Variants in MAPKAP1 observed in about 807,000 individuals in gnomAD.
MAPKAP1 encodes MAPK associated protein 1.
In MAPKAP1, 20 loss-of-function variants were observed where a neutral mutation model predicts 65.7. That is an observed-to-expected ratio of 0.30 (90% CI 0.21 to 0.44). The LOEUF (loss-of-function observed/expected upper bound fraction) is 0.44. MAPKAP1 is among the 20% of genes least tolerant of loss of function. The pLI, the probability that MAPKAP1 is intolerant of heterozygous loss-of-function variation, is 1.00. For synonymous variants in MAPKAP1, 222 were observed against 244.3 expected (o/e 0.91, Z 0.85); for missense variants, 423 against 648.0 (o/e 0.65, Z 3.77).
chr9:125,444,766 T>C (rs1437086379), intron 10 of MAPKAP1, among the ~76,000 whole-genome samples, 168 bp from the exon 11 acceptor site: 1 of 151,970 alleles, frequency 6.6e-6, no homozygotes, highest in East Asian at 1.9e-4. Flanking sequence ...GGGTATAAAA[T>C]GGACAATGAA....
chr9:125,589,177 TATTA>T (rs960883199), intron 4 of MAPKAP1, among the ~76,000 whole-genome samples: 15 of 152,324 alleles, frequency 9.8e-5, no homozygotes, highest in African/African-American at 2.6e-4. Flanking sequence ...TATTACTTAT[TATTA>T]ATTATTATTA....
chr9:125,467,553 T>G (rs1421832469), intron 10 of MAPKAP1, among the ~76,000 whole-genome samples: 1 of 152,154 alleles, frequency 6.6e-6, no homozygotes, highest in Non-Finnish European at 1.5e-5. Flanking sequence ...GTTCGCCGCC[T>G]TGGGAAATCC....
At chr9:125,511,560 C>A (rs1052217763) in intron 7 of MAPKAP1, among the ~76,000 whole-genome samples, 1 of 152,102 alleles carries the variant, frequency 6.6e-6, no homozygotes, top group African/African-American at 2.4e-5. Context: ...ATAACCCAGA[C>A]CTATATCAAA....
At chr9:125,651,516 A>G (rs931595583) in intron 4 of MAPKAP1, among the ~76,000 whole-genome samples, 2 of 152,074 alleles carry the variant, frequency 1.3e-5, no homozygotes, top group African/African-American at 4.8e-5. Flanking sequence ...GAGGCGGGAG[A>G]AATCACTTGA....
chr9:125,520,807 G>C (rs1392923188), intron 7 of MAPKAP1, among the ~76,000 whole-genome samples: 1 of 152,180 alleles, frequency 6.6e-6, no homozygotes, highest in Non-Finnish European at 1.5e-5. Context: ...TGCCTCCACT[G>C]TTTGGAGATT....
At chr9:125,624,432 TG>T (rs1211783519) in intron 4 of MAPKAP1, among the ~76,000 whole-genome samples, 6 of 49,634 alleles carry the variant, frequency 1.2e-4, no homozygotes, top group Admixed American at 2.0e-4. Context: ...GGGAGGGAGG[TG>T]GGGGGGGTCA....
intron 5 of MAPKAP1, among the ~76,000 whole-genome samples, chr9:125,563,484 G>T (rs1340153114): frequency 1.3e-5 from 2 of 152,080 alleles, no homozygotes; most frequent in Non-Finnish European, 2.9e-5. Context: ...TCTCCTTTGT[G>T]GTCTTACAAA....
chr9:125,619,741 T>C (rs994282937), intron 4 of MAPKAP1, among the ~76,000 whole-genome samples: 2 of 151,974 alleles, frequency 1.3e-5, no homozygotes, highest in African/African-American at 4.8e-5. Flanking sequence ...TTTCTCCACA[T>C]TGATTAATTC....
At chr9:125,504,915 T>C (rs953842775) in intron 8 of MAPKAP1, among the ~76,000 whole-genome samples, 7 of 152,212 alleles carry the variant, frequency 4.6e-5, no homozygotes, top group African/African-American at 1.7e-4. Context: ...ATTCAATCTA[T>C]ATTTACTGAG....
intron 4 of MAPKAP1, among the ~76,000 whole-genome samples, chr9:125,639,246 AACAAG>A (rs1470124523): frequency 6.6e-6 from 1 of 152,308 alleles, no homozygotes; most frequent in Admixed American, 6.5e-5. Context: ...ATCTCAAAAA[AACAAG>A]ACAAAACAAA....
rs143802987 is a variant in MAPKAP1, at chr9:125,572,370, T to C, written c.672-12561A>G. Among the ~76,000 whole-genome samples the C allele has an allele frequency of 4.9e-3, 753 of 152,352 alleles. 5 individuals carry two copies. The highest frequency in any genetic ancestry group is 0.017 in the African/African-American group (713 of 41,580). On this transcript the variant is annotated intron_variant, in intron 5 of 11. Transcript: ENST00000265960. ...AACAGAGTTCCATCAAAGCCAATTT[T>C]AAAAGAGGCTATGTGAAAAATAATT...
intron 10 of MAPKAP1, among the ~76,000 whole-genome samples, chr9:125,465,909 G>T (rs554607624): frequency 6.6e-6 from 1 of 152,166 alleles, no homozygotes; most frequent in Non-Finnish European, 1.5e-5. Context: ...GGTCAGGTTC[G>T]AAAGGCATAT....
At chr9:125,514,731 A>C (rs1829410392) in intron 7 of MAPKAP1, among the ~76,000 whole-genome samples, 1 of 152,182 alleles carries the variant, frequency 6.6e-6, no homozygotes, top group African/African-American at 2.4e-5. Context: ...AATCAGCTTT[A>C]TATTTTGGTG....
At chr9:125,667,842 C>G (rs1015292288) in intron 3 of MAPKAP1, among the ~76,000 whole-genome samples, 3 of 152,064 alleles carry the variant, frequency 2.0e-5, no homozygotes, top group Admixed American at 1.3e-4. Flanking sequence ...TTAATAAGAA[C>G]TGCTTTAAGA....
chr9:125,564,091 C>T (rs1399865477), intron 5 of MAPKAP1, among the ~76,000 whole-genome samples: 1 of 152,192 alleles, frequency 6.6e-6, no homozygotes, highest in Non-Finnish European at 1.5e-5. Flanking sequence ...TTGCTTTTCA[C>T]AGTGATATCT....
At chr9:125,446,885 T>C (rs1274788455) in intron 10 of MAPKAP1, among the ~76,000 whole-genome samples, 1 of 152,166 alleles carries the variant, frequency 6.6e-6, no homozygotes, top group Non-Finnish European at 1.5e-5. Context: ...TTAAAAAGGT[T>C]TCCTGCACTT....
intron 9 of MAPKAP1, among the ~76,000 whole-genome samples, chr9:125,479,561 C>T (rs1854233069): frequency 1.4e-5 from 2 of 143,500 alleles, no homozygotes; most frequent in East Asian, 2.0e-4. Context: ...GCCTGGGCAA[C>T]AAGAGCGAAA....
At chr9:125,699,325 C>T (rs540498063) in intron 1 of MAPKAP1, among the ~76,000 whole-genome samples, 14 of 152,162 alleles carry the variant, frequency 9.2e-5, no homozygotes, top group Non-Finnish European at 1.5e-4. Context: ...CCTCCTGCCT[C>T]GGCCTCCCAA....
chr9:125,532,401 T>C (rs1829958891), intron 7 of MAPKAP1, among the ~76,000 whole-genome samples: 1 of 152,202 alleles, frequency 6.6e-6, no homozygotes, highest in Admixed American at 6.5e-5. Flanking sequence ...TCTGAGGATA[T>C]TGTCTTCAAA....
Sources: allele counts gnomAD v4.1 joint callset (sites outside exome capture counted in the v4.1 genomes callset), GRCh38; gene constraint gnomAD v4.1.1; transcripts MANE v1.5; gene names NCBI Gene and HGNC (gene_info 2026-07-23, HGNC 2026-07-21).